VPS41: variants seen among roughly 807,000 people sequenced by gnomAD.
VPS41 encodes VPS41 subunit of HOPS complex, also known as vacuolar protein sorting-associated protein 41 homolog.
Under a neutral mutation model 130.9 loss-of-function variants are expected in VPS41, and 85 were observed. That is an observed-to-expected ratio of 0.65 (90% CI 0.55 to 0.78). VPS41 has a LOEUF of 0.78. VPS41 is among the 30% of genes least tolerant of loss of function. VPS41 has a pLI of 0.00. For synonymous variants in VPS41, 335 were observed against 332.9 expected (o/e 1.01, Z -0.07); for missense variants, 874 against 1,018.7 (o/e 0.86, Z 1.93).
chr7:38,794,003 G>A (rs61246172), intron 9 of VPS41, among the ~76,000 whole-genome samples: 6,029 of 152,198 alleles, frequency 0.04, 135 homozygotes, highest in African/African-American at 0.049. Context: ...ATAGGTTCTA[G>A]GAATTAGGGC....
chr7:38,891,849 T>C lies in VPS41; in HGVS notation c.60+6242A>G, dbSNP rs554661947. ...TTTAGCCTGTTTCCAAATTTTTGTATTATACAAAGCAAATGAATGCTCTTA... is the reference window on the plus strand; with the variant it reads ...TTTAGCCTGTTTCCAAATTTTTGTACTATACAAAGCAAATGAATGCTCTTA... On this transcript the variant is annotated intron_variant, in intron 2 of 28. Transcript: ENST00000310301. 8.5e-5 allele frequency among the ~76,000 whole-genome samples: 13 copies of C among 152,276 alleles called. No homozygotes were observed. In the South Asian group the frequency reaches 2.7e-3, roughly 32 times the overall value.
chr7:38,855,865 AT>A (rs1247306797), intron 4 of VPS41, among the ~76,000 whole-genome samples: 2 of 152,240 alleles, frequency 1.3e-5, no homozygotes, highest in African/African-American at 4.8e-5. Flanking sequence ...CAAAAGTAAG[AT>A]TTAAGACTCT....
chr7:38,796,311 T>A (rs766729298), intron 8 of VPS41: 47 of 335,946 alleles, frequency 1.4e-4, no homozygotes, highest in Non-Finnish European at 2.2e-4. Context: ...AAAATTACGA[T>A]CCACTTTCTT....
intron 16 of VPS41, among the ~76,000 whole-genome samples, chr7:38,765,322 T>G (rs1315045806): frequency 6.6e-6 from 1 of 152,078 alleles, no homozygotes; most frequent in African/African-American, 2.4e-5. Flanking sequence ...AAAAAGAGCA[T>G]GAAAACTTCA....
intron 4 of VPS41, among the ~76,000 whole-genome samples, chr7:38,831,857 C>T (rs1584417480): frequency 6.6e-6 from 1 of 152,152 alleles, no homozygotes; most frequent in Non-Finnish European, 1.5e-5. Context: ...TGCAAATAAA[C>T]GAAGTTTCCA....
At chr7:38,881,562 A>G (rs1014629899) in intron 2 of VPS41, among the ~76,000 whole-genome samples, 1 of 152,226 alleles carries the variant, frequency 6.6e-6, no homozygotes, top group Non-Finnish European at 1.5e-5. Flanking sequence ...AATGATGGTG[A>G]GCAAAAGAGT....
chr7:38,800,750 C>T (rs1784709516), intron 7 of VPS41, among the ~76,000 whole-genome samples: 1 of 152,120 alleles, frequency 6.6e-6, no homozygotes, highest in African/African-American at 2.4e-5. Context: ...GCAGGAGAAT[C>T]GCTTGAACCT....
chr7:38,876,473 A>G (rs551435499), intron 2 of VPS41, among the ~76,000 whole-genome samples: 50 of 152,346 alleles, frequency 3.3e-4, no homozygotes, highest in African/African-American at 1.2e-3. Flanking sequence ...TCCTCTGTAG[A>G]ATGGGGATGA....
intron 2 of VPS41, among the ~76,000 whole-genome samples, chr7:38,885,191 A>G (rs1786696152): frequency 6.6e-6 from 1 of 152,208 alleles, no homozygotes. Flanking sequence ...CCCCTGCCTC[A>G]GCCTCCCAAG....
At chr7:38,727,066 C>T (rs1203608640) in intron 27 of VPS41, 78 bp from the exon 28 acceptor site, 8 of 1,330,044 alleles carry the variant, frequency 6.0e-6, no homozygotes, top group Middle Eastern at 2.5e-4. Flanking sequence ...GACTGAAAGT[C>T]GAGTTGCAGT....
At chr7:38,797,791 G>C (rs914437853) in intron 7 of VPS41, among the ~76,000 whole-genome samples, 1 of 152,166 alleles carries the variant, frequency 6.6e-6, no homozygotes, top group African/African-American at 2.4e-5. Flanking sequence ...AGGGGAAAGA[G>C]AGTAAATTCA....
chr7:38,811,414 CATG>C (rs1205347081), intron 7 of VPS41, among the ~76,000 whole-genome samples: 1 of 151,926 alleles, frequency 6.6e-6, no homozygotes, highest in East Asian at 1.9e-4. Context: ...TACATATTTA[CATG>C]ATAAAATTTA....
intron 7 of VPS41, among the ~76,000 whole-genome samples, chr7:38,798,628 A>C (rs2115998780): frequency 6.6e-6 from 1 of 152,236 alleles, no homozygotes; most frequent in Non-Finnish European, 1.5e-5. Context: ...TAAGATCAAA[A>C]TGTCTATCTT....
intron 13 of VPS41, among the ~76,000 whole-genome samples, chr7:38,771,602 A>G (rs113565934): frequency 1.3e-4 from 20 of 152,194 alleles, no homozygotes; most frequent in African/African-American, 4.8e-4. Context: ...GTCTCCATAC[A>G]AAAAAAGGCA....
chr7:38,875,802 T>C (rs900563269), intron 2 of VPS41, among the ~76,000 whole-genome samples: 7 of 152,234 alleles, frequency 4.6e-5, no homozygotes, highest in African/African-American at 7.2e-5. Context: ...TACATTCTTA[T>C]ATGAATGCAA....
At chr7:38,887,408 C>G (rs1236861431) in intron 2 of VPS41, among the ~76,000 whole-genome samples, 2 of 152,046 alleles carry the variant, frequency 1.3e-5, no homozygotes, top group South Asian at 4.2e-4. Flanking sequence ...CCAATTCGAT[C>G]GGCTGGAAGA....
Position 38,869,236 on chromosome 7 carries a change from C to T in VPS41, c.78G>A (p.Glu26=). 6.2e-7 allele frequency: 1 copy of T among 1,610,874 alleles called. No individual in the cohort carries two copies. The part of the protein sequence containing the change: ...TDESEEEESE[E]EPKLKYERLS... ...GCCTTTCATACTTCAGCTTGGGTTC[C>T]TCTTCGCTCTCTTCTTCCTGCACAA... The change falls in exon 3 of 29, where the codon GAG becomes GAA. Residue 26 remains glutamate (E), a synonymous_variant. Transcript: ENST00000310301.
At chr7:38,798,248 GAGA>G (rs1784658044) in intron 7 of VPS41, among the ~76,000 whole-genome samples, 1 of 152,152 alleles carries the variant, frequency 6.6e-6, no homozygotes. Flanking sequence ...TCCTGCTACA[GAGA>G]AGATTATGCC....
intron 4 of VPS41, among the ~76,000 whole-genome samples, chr7:38,835,142 TG>T (rs1226749024): frequency 6.6e-6 from 1 of 152,058 alleles, no homozygotes; most frequent in African/African-American, 2.4e-5. Context: ...TAAGTACTTG[TG>T]TTTCCTTTTT....
Sources: gnomAD v4.1 joint callset for allele counts (sites outside exome capture counted in the v4.1 genomes callset) on GRCh38, gnomAD v4.1.1 for gene constraint, MANE v1.5 for transcripts, NCBI Gene and HGNC (gene_info 2026-07-23, HGNC 2026-07-21) for gene names.